The following FAXC variants were observed in gnomAD, a reference collection of about 807,000 sequenced individuals.
FAXC encodes the protein failed axon connections homolog, metaxin like GST domain containing, also known as failed axon connections homolog.
In FAXC, 10 loss-of-function variants were observed where a neutral mutation model predicts 41.9. The observed-to-expected ratio is 0.24, with a 90% CI of 0.15 to 0.41. FAXC has a LOEUF of 0.41. Among genes scored for constraint, FAXC ranks in the 10% least tolerant of loss-of-function variants. The pLI, the probability that FAXC is intolerant of heterozygous loss-of-function variation, is 1.00. For missense variants in FAXC, 399 were observed against 510.9 expected (o/e 0.78, Z 2.11); for synonymous variants, 183 against 183.8 (o/e 1.00, Z 0.03).
At chr6:99,293,698 G>GTGTGTGTGTGTGTGTC (rs1475002581) in intron 4 of FAXC, among the ~76,000 whole-genome samples, 19 of 143,884 alleles carry the variant, frequency 1.3e-4, no homozygotes, top group Non-Finnish European at 2.0e-4. Flanking sequence ...GTGTGTGTGT[G>GTGTGTGTGTGTGTGTC]TGTGTGTGTG....
In FAXC at chr6:99,275,499, G is replaced by A. The variant is rs1231660422; in HGVS notation, c.*5665C>T. ...AGGCAATCATCCTTATGAAATTTGA[G>A]CATCCTAGTTTGTCATGGTCCAGCC... On this transcript the variant is annotated 3_prime_UTR_variant, in exon 6 of 6. Coordinates refer to ENST00000389677, the MANE Select transcript of FAXC (RefSeq NM_032511.4). The A allele has an allele frequency of 4.6e-5, 7 of 152,160 alleles. No homozygotes were observed. The highest frequency in any genetic ancestry group is 4.6e-4 in the Admixed American group (7 of 15,260). The allele number at this position is 152,160 out of a possible 1,614,324, so 9.4% of individuals were successfully genotyped here.
intron 3 of FAXC, among the ~76,000 whole-genome samples, chr6:99,332,269 T>C (rs558205140): frequency 2.4e-4 from 37 of 152,308 alleles, no homozygotes; most frequent in African/African-American, 7.0e-4. Flanking sequence ...AGAAAGAACC[T>C]TCTCCAGTCA....
In FAXC at chr6:99,281,114, C is replaced by G. The variant is rs145534573; in HGVS notation, c.*50G>C. 3 of 878,068 alleles carry G rather than the reference C, an allele frequency of 3.4e-6. No homozygotes were observed. In the Admixed American group the frequency reaches 5.2e-5, roughly 15 times the overall value. The allele number at this position is 878,068 out of a possible 1,614,324, so 54.4% of individuals were successfully genotyped here. A position where few individuals can be genotyped will look rare whatever the true frequency, so the allele number is the denominator to read the frequency against. The stretch of plus-strand genomic sequence containing the variant: ...TGGATTGCTACCTGGGAAAATGGAC[C>G]GACCCAGGGAGTGGCAGGTCCCAAG... On this transcript the variant is annotated 3_prime_UTR_variant, in exon 6 of 6. Coordinates refer to ENST00000389677, the MANE Select transcript of FAXC (RefSeq NM_032511.4).
intron 1 of FAXC, among the ~76,000 whole-genome samples, chr6:99,348,737 G>A (rs1486131615): frequency 6.6e-6 from 1 of 152,182 alleles, no homozygotes; most frequent in African/African-American, 2.4e-5. Flanking sequence ...TAATATTCCA[G>A]CATTATTACT....
chr6:99,318,298 C>CA (rs1455877348), intron 4 of FAXC, among the ~76,000 whole-genome samples: 10 of 137,860 alleles, frequency 7.3e-5, no homozygotes, highest in Middle Eastern at 3.8e-3. Flanking sequence ...CACACACACA[C>CA]ACACACACAA....
chr6:99,329,129 A>C (rs1037083306), intron 3 of FAXC, among the ~76,000 whole-genome samples: 7 of 152,224 alleles, frequency 4.6e-5, no homozygotes, highest in Admixed American at 3.9e-4. Context: ...GAGAGGGTCA[A>C]TTTGGAAAGC....
intron 4 of FAXC, among the ~76,000 whole-genome samples, chr6:99,293,694 G>GTGTGTGTGTGTGTGTGTGTGTGTT (rs1771339918): frequency 7.2e-6 from 1 of 138,264 alleles, no homozygotes; most frequent in African/African-American, 2.8e-5. Context: ...GTGTGTGTGT[G>GTGTGTGTGTGTGTGTGTGTGTGTT]TGTGTGTGTG....
intron 2 of FAXC, among the ~76,000 whole-genome samples, chr6:99,336,727 C>T (rs1175020020): frequency 6.6e-6 from 1 of 152,102 alleles, no homozygotes; most frequent in Non-Finnish European, 1.5e-5. Context: ...CTCCCTGGAC[C>T]TCAGTGTCCT....
chr6:99,308,446 T>C (rs572875058), intron 4 of FAXC, among the ~76,000 whole-genome samples: 1 of 152,348 alleles, frequency 6.6e-6, no homozygotes, highest in Admixed American at 6.5e-5. Flanking sequence ...TACTGGTCAC[T>C]TTGTCAATTT....
Position 99,276,745 on chromosome 6 carries a change from CAGG to C in FAXC, c.*4416_*4418del, listed in dbSNP as rs1228266155. 2.0e-5 allele frequency: 3 copies of C among 152,164 alleles called. No homozygotes were observed. The highest frequency in any genetic ancestry group is 4.4e-5 in the Non-Finnish European group (3 of 68,016). The allele number at this position is 152,164 out of a possible 1,614,324, so 9.4% of individuals were successfully genotyped here. ...CCCCTGAGGAAACCATGGATAATTT[CAGG>C]AGGTCTCTAAATTTCCTGAATTTAT... On this transcript the variant is annotated 3_prime_UTR_variant, in exon 6 of 6. Transcript: ENST00000389677.
At position 99,274,548 on chromosome 6, in the gene FAXC, A is replaced by T. The variant is rs1162320633; in HGVS notation, c.*6616T>A. On this transcript the variant is annotated 3_prime_UTR_variant, in exon 6 of 6. Transcript: ENST00000389677. ...TGGAAAAACCATCGCTGTCATCAAC[A>T]TTTGAGTTGTCAGACATTTGGCATG... The T allele has an allele frequency of 1.3e-5, 2 of 152,214 alleles. No homozygotes were observed. The highest frequency in any genetic ancestry group is 2.9e-5 in the Non-Finnish European group (2 of 68,036). The allele number at this position is 152,214 out of a possible 1,614,324, so 9.4% of individuals were successfully genotyped here. A position where few individuals can be genotyped will look rare whatever the true frequency, so the allele number is the denominator to read the frequency against.
chr6:99,282,147 G>A (rs1028363231), intron 5 of FAXC, among the ~76,000 whole-genome samples: 1 of 152,124 alleles, frequency 6.6e-6, no homozygotes, highest in Non-Finnish European at 1.5e-5. Context: ...TTTGGCTTTA[G>A]GAAGCATTTT....
At chr6:99,321,617 A>G (rs796926146) in intron 4 of FAXC, among the ~76,000 whole-genome samples, 2 of 152,356 alleles carry the variant, frequency 1.3e-5, no homozygotes, top group African/African-American at 4.8e-5. Context: ...TTCTCATCCC[A>G]GAAAATCCAG....
At chr6:99,323,706 G>A in intron 3 of FAXC, 39 bp from the exon 4 acceptor site, 1 of 1,497,618 alleles carries the variant, frequency 6.7e-7, no homozygotes, top group Non-Finnish European at 9.3e-7. Flanking sequence ...TGTGCATCAG[G>A]TACATATCAG....
Position 99,278,968 on chromosome 6 carries a change from T to C in FAXC, c.*2196A>G, listed in dbSNP as rs752015129. On this transcript the variant is annotated 3_prime_UTR_variant, in exon 6 of 6. Transcript: ENST00000389677. ...ACTGTACAGTAAGATAGATTGTTCATAGAAAAAAATTCAAATACATTTCTT... is the reference window on the plus strand; with the variant it reads ...ACTGTACAGTAAGATAGATTGTTCACAGAAAAAAATTCAAATACATTTCTT... The C allele has an allele frequency of 2.0e-5, 3 of 152,226 alleles. No individual in the cohort carries two copies. The highest frequency in any genetic ancestry group is 6.5e-5 in the Admixed American group (1 of 15,278). The allele number at this position is 152,226 out of a possible 1,614,324, so 9.4% of individuals were successfully genotyped here. A position where few individuals can be genotyped will look rare whatever the true frequency, so the allele number is the denominator to read the frequency against.
chr6:99,331,100 G>A (rs1373246276), intron 3 of FAXC, among the ~76,000 whole-genome samples: 2 of 152,190 alleles, frequency 1.3e-5, no homozygotes, highest in Non-Finnish European at 2.9e-5. Flanking sequence ...GGAATTAGCA[G>A]TGTTGCTTTG....
At chr6:99,293,197 G>T (rs1273079301) in intron 4 of FAXC, among the ~76,000 whole-genome samples, 1 of 152,130 alleles carries the variant, frequency 6.6e-6, no homozygotes, top group Non-Finnish European at 1.5e-5. Context: ...ACTCAACTTA[G>T]AACTTAAAGT....
chr6:99,295,750 G>A (rs1771467295), intron 4 of FAXC, among the ~76,000 whole-genome samples: 1 of 152,156 alleles, frequency 6.6e-6, no homozygotes, highest in Non-Finnish European at 1.5e-5. Context: ...TTATGACTGT[G>A]ATATTAACCG....
rs1349839749 is a variant in FAXC, at chr6:99,277,029, G to A, written c.*4135C>T. ...CTGACGAAGTCAGACCTTGAGAGAT[G>A]GGCATGACTTGGGCCAGTGGAGCAG... On this transcript the variant is annotated 3_prime_UTR_variant, in exon 6 of 6. Coordinates refer to ENST00000389677, the MANE Select transcript of FAXC (RefSeq NM_032511.4). 2 of 152,300 alleles carry A rather than the reference G, an allele frequency of 1.3e-5. No homozygotes were observed. Among genetic ancestry groups the A allele is most frequent in the East Asian group, 1.9e-4 (1 of 5,200 alleles). The allele number at this position is 152,300 out of a possible 1,614,324, so 9.4% of individuals were successfully genotyped here.
Sources: gnomAD v4.1 joint callset for allele counts (sites outside exome capture counted in the v4.1 genomes callset) on GRCh38, gnomAD v4.1.1 for gene constraint, MANE v1.5 for transcripts, NCBI Gene and HGNC (gene_info 2026-07-23, HGNC 2026-07-21) for gene names.